Variants in NEDD4 observed in about 807,000 individuals in gnomAD.
The protein encoded by NEDD4 is E3 ubiquitin-protein ligase NEDD4.
In NEDD4, 99 loss-of-function variants were observed where a neutral mutation model predicts 144.9. That is an observed-to-expected ratio of 0.68 (90% confidence interval 0.58 to 0.81). The LOEUF (loss-of-function observed/expected upper bound fraction) is 0.81. Ranked by LOEUF, NEDD4 falls within the 30% of genes least tolerant of loss-of-function variation. NEDD4 has a pLI of 0.00. For synonymous variants in NEDD4, 318 were observed against 350.6 expected, an observed-to-expected ratio of 0.91 and a Z score of 1.04; for missense variants, 985 against 1,065.9, an observed-to-expected ratio of 0.92 and a Z score of 1.06.
intron 5 of NEDD4, among the ~76,000 whole-genome samples, chr15:55,884,897 A>G (rs188403538): frequency 2.0e-5 from 3 of 152,326 alleles, no homozygotes; most frequent in Admixed American, 1.3e-4. Flanking sequence ...CAAAGGGATA[A>G]TAACAGAGAA....
At chr15:55,865,509 A>C (rs2034555402) in intron 8 of NEDD4, among the ~76,000 whole-genome samples, 1 of 151,798 alleles carries the variant, frequency 6.6e-6, no homozygotes, top group Non-Finnish European at 1.5e-5. Context: ...ATTTGATAAC[A>C]AAACACCCAC....
At chr15:55,977,209 T>C (rs1566975830) in intron 1 of NEDD4, among the ~76,000 whole-genome samples, 2 of 152,246 alleles carry the variant, frequency 1.3e-5, no homozygotes, top group African/African-American at 2.4e-5. Flanking sequence ...ATGGACAGCA[T>C]ATATGATGGT....
In NEDD4 at chr15:55,860,444, A is replaced by G. The variant is rs1326377818; in HGVS notation, c.923T>C (p.Phe308Ser). 6.2e-7 allele frequency: 1 copy of G among 1,614,044 alleles called. No homozygotes were observed. The highest frequency in any genetic ancestry group is 1.3e-5 in the African/African-American group (1 of 74,940). ...AEELNARLTI[F>S]GNSAVSQPAS... ...TGGCTGGCTCACGGCTGAATTTCCA[A>G]AAATGGTGAGTCTGGCATTCAATTC... is the stretch of plus-strand genomic sequence containing the variant. Residue 308 changes from phenylalanine (F) to serine (S), a missense_variant, in exon 11 of 29, where the codon TTT (phenylalanine) becomes TCT (serine). By Grantham distance (155) the Phe-to-Ser change is radical (BLOSUM62 -2). Coordinates refer to ENST00000435532, the MANE Select transcript of NEDD4 (RefSeq NM_006154.4).
At chr15:55,908,541 AGT>A (rs2142182891) in intron 5 of NEDD4, among the ~76,000 whole-genome samples, 1 of 152,290 alleles carries the variant, frequency 6.6e-6, no homozygotes, top group East Asian at 1.9e-4. Flanking sequence ...TACTTCTCAA[AGT>A]GTGTCTGGGG....
intron 5 of NEDD4, among the ~76,000 whole-genome samples, chr15:55,885,634 A>C (rs1335715256): frequency 6.6e-6 from 1 of 152,150 alleles, no homozygotes; most frequent in African/African-American, 2.4e-5. Context: ...AGTTTAAAAC[A>C]ATAACTTATA....
At chr15:55,908,774 G>C (rs1477987737) in intron 5 of NEDD4, among the ~76,000 whole-genome samples, 1 of 152,270 alleles carries the variant, frequency 6.6e-6, no homozygotes, top group East Asian at 1.9e-4. Context: ...GGACACAGCA[G>C]TGCACCTGTA....
At position 55,883,709 on chromosome 15, in the gene NEDD4, AC is replaced by A. The variant is rs1191903588; in HGVS notation, c.292-9702del. Reference sequence around the variant, plus strand: ...CACACACACACAAACACACACACACACACACACACACACACACAGAAAGAGA... The same window carrying A: ...CACACACACACAAACACACACACACAACACACACACACACACAGAAAGAGA... On this transcript the variant is annotated intron_variant, in intron 5 of 28. Coordinates refer to ENST00000435532, the MANE Select transcript of NEDD4 (RefSeq NM_006154.4). Among the ~76,000 whole-genome samples, 1,082 of 151,460 alleles carry A rather than the reference AC, an allele frequency of 7.1e-3. 18 individuals are homozygous for A. The highest frequency in any genetic ancestry group is 0.025 in the African/African-American group (1,036 of 41,276).
At position 55,910,382 on chromosome 15, in the gene NEDD4, G is replaced by A. The variant is rs1389018340; in HGVS notation, c.291+14264C>T. On this transcript the variant is annotated intron_variant, in intron 5 of 28. Transcript: ENST00000435532. ...ACTTATGTTCTCTGTGGTACTGTCT[G>A]CTTTCCTCCTTCCCTCACCTTTCAC... Among the ~76,000 whole-genome samples, 6 of 151,952 alleles carry A rather than the reference G, an allele frequency of 3.9e-5. No homozygotes were observed. In the East Asian group the frequency reaches 1.2e-3, roughly 29 times the overall value.
At chr15:55,898,865 CTCCTGGGCTAAAGTGA>C (rs1331178542) in intron 5 of NEDD4, among the ~76,000 whole-genome samples, 1 of 152,074 alleles carries the variant, frequency 6.6e-6, no homozygotes, top group Non-Finnish European at 1.5e-5. Context: ...TGGTCTTGAA[CTCCTGGGCTAAAGTGA>C]TCCTCCAATC....
At chr15:55,874,031 T>C (rs2034902908) in intron 5 of NEDD4, 23 bp from the exon 6 acceptor site, 2 of 1,348,986 alleles carry the variant, frequency 1.5e-6, no homozygotes, top group Admixed American at 2.0e-5. Flanking sequence ...GAAGAAAAAA[T>C]ATAATTAGTA....
chr15:55,836,744 T>A (rs139281238), intron 24 of NEDD4, among the ~76,000 whole-genome samples: 47 of 152,230 alleles, frequency 3.1e-4, no homozygotes, highest in African/African-American at 1.1e-3. Flanking sequence ...GCCAGACTAG[T>A]CTCAAACTCC....
intron 8 of NEDD4, among the ~76,000 whole-genome samples, chr15:55,864,388 A>T (rs919358544): frequency 7.2e-5 from 8 of 111,482 alleles, no homozygotes; most frequent in Non-Finnish European, 1.3e-4. Flanking sequence ...ATTATGATTA[A>T]AAAAAAAAAT....
chr15:55,883,419 T>G (rs2142096817), intron 5 of NEDD4, among the ~76,000 whole-genome samples: 1 of 152,296 alleles, frequency 6.6e-6, no homozygotes, highest in Non-Finnish European at 1.5e-5. Context: ...CCCTGACTTC[T>G]AGACGGCATC....
At chr15:55,839,970 TCTC>T in intron 21 of NEDD4, among the ~76,000 whole-genome samples, 1 of 20,942 alleles carries the variant, frequency 4.8e-5, no homozygotes, top group African/African-American at 2.4e-4. Flanking sequence ...TGACACTCTG[TCTC>T]AAAAAAAAAA....
chr15:55,916,945 A>G, intron 5 of NEDD4: 2 of 1,488,864 alleles, frequency 1.3e-6, no homozygotes, highest in South Asian at 1.4e-5. Context: ...TGTGGTGCCT[A>G]AAAGAGCTAT....
intron 5 of NEDD4, among the ~76,000 whole-genome samples, chr15:55,875,864 CA>C (rs1462995275): frequency 6.6e-6 from 1 of 151,734 alleles, no homozygotes; most frequent in Non-Finnish European, 1.5e-5. Context: ...AAAAAACAGC[CA>C]AAATATTCAC....
intron 17 of NEDD4, 35 bp downstream of exon 17, chr15:55,848,337 C>G: frequency 6.3e-7 from 1 of 1,598,250 alleles, no homozygotes; most frequent in Non-Finnish European, 8.6e-7. Flanking sequence ...GGTGAGCGGA[C>G]AGTCCCATCA....
intron 5 of NEDD4, among the ~76,000 whole-genome samples, chr15:55,919,597 C>T (rs908569026): frequency 2.6e-5 from 4 of 152,200 alleles, no homozygotes; most frequent in Admixed American, 2.6e-4. Flanking sequence ...CCAGCAAATA[C>T]CAAAACAGGA....
intron 8 of NEDD4, among the ~76,000 whole-genome samples, chr15:55,864,226 A>C (rs1284084895): frequency 3.3e-5 from 5 of 152,206 alleles, no homozygotes; most frequent in African/African-American, 1.2e-4. Flanking sequence ...AAACTGGTGA[A>C]GAAAACTTTA....
Sources: allele counts gnomAD v4.1 joint callset (sites outside exome capture counted in the v4.1 genomes callset), GRCh38; gene constraint gnomAD v4.1.1; transcripts MANE v1.5; gene names NCBI Gene and HGNC (gene_info 2026-07-23, HGNC 2026-07-21).